KCNH8: variants seen among roughly 807,000 people sequenced by gnomAD.
The protein encoded by KCNH8 is potassium voltage-gated channel subfamily H member 8.
In KCNH8, 70 loss-of-function variants were observed where a neutral mutation model predicts 103.6. The ratio of observed to expected loss-of-function variants is 0.68; its 90% CI spans 0.56 to 0.82. The LOEUF is 0.82. Ranked by LOEUF, KCNH8 falls within the 40% of genes least tolerant of loss-of-function variation. The pLI, the probability that KCNH8 is intolerant of heterozygous loss-of-function variation, is 0.00. For missense variants in KCNH8, 1,217 were observed against 1,329.9 expected (o/e 0.92, Z 1.32); for synonymous variants, 498 against 489.4 (o/e 1.02, Z -0.23).
chr3:19,340,471 C>T lies in KCNH8; in HGVS notation c.443-2116C>T, dbSNP rs191413054. Among the ~76,000 whole-genome samples the T allele has an allele frequency of 2.7e-3, 405 of 151,578 alleles. 4 individuals carry two copies. The highest frequency in any genetic ancestry group is 9.3e-3 in the African/African-American group (386 of 41,352). On this transcript the variant is annotated intron_variant, in intron 3 of 15. Coordinates refer to ENST00000328405, the MANE Select transcript of KCNH8 (RefSeq NM_144633.3). ...TGCGCTGCACCCACTAACGTGTCAT[C>T]TAGCATTAGGATTCAATTTATTTAG... is the stretch of plus-strand genomic sequence containing the variant.
At chr3:19,217,663 TC>T (rs1423317384) in intron 1 of KCNH8, among the ~76,000 whole-genome samples, 1 of 152,198 alleles carries the variant, frequency 6.6e-6, no homozygotes. Flanking sequence ...GCTCAAAATC[TC>T]GTAGGTATTA....
At chr3:19,257,458 A>G (rs1296249341) in intron 2 of KCNH8, among the ~76,000 whole-genome samples, 1 of 151,710 alleles carries the variant, frequency 6.6e-6, no homozygotes, top group Non-Finnish European at 1.5e-5. Flanking sequence ...TTTCTTCCTC[A>G]CTCTAGCTTG....
In KCNH8 at chr3:19,461,705, T is replaced by G. The variant is rs551166772; in HGVS notation, c.2040+4723T>G. On this transcript the variant is annotated intron_variant, in intron 11 of 15. Transcript: ENST00000328405. Reference sequence around the variant, plus strand: ...ATTATACTTTAAGTTCTAGGGTACATGTGCACAACGTGCAGGTTTGTTACA... The same window carrying G: ...ATTATACTTTAAGTTCTAGGGTACAGGTGCACAACGTGCAGGTTTGTTACA... Among the ~76,000 whole-genome samples the G allele has an allele frequency of 9.2e-5, 14 of 152,336 alleles. No homozygotes were observed. The South Asian group carries it at 1.9e-3, about 20-fold the overall frequency.
At chr3:19,396,404 G>A (rs1168444044) in intron 7 of KCNH8, among the ~76,000 whole-genome samples, 1 of 152,010 alleles carries the variant, frequency 6.6e-6, no homozygotes, top group Non-Finnish European at 1.5e-5. Context: ...AGGAAAGCAG[G>A]TGGAAGGGAA....
chr3:19,225,076 C>A (rs1368703930), intron 1 of KCNH8, among the ~76,000 whole-genome samples: 1 of 152,040 alleles, frequency 6.6e-6, no homozygotes, highest in African/African-American at 2.4e-5. Flanking sequence ...AAAATTAGGA[C>A]AAAGGCTGTA....
chr3:19,269,164 G>A (rs1028592452), intron 2 of KCNH8, among the ~76,000 whole-genome samples: 4 of 152,018 alleles, frequency 2.6e-5, no homozygotes, highest in East Asian at 1.9e-4. Flanking sequence ...TATAAAAAAT[G>A]ACTTCAGATG....
At chr3:19,345,261 A>G (rs1162189633) in intron 4 of KCNH8, among the ~76,000 whole-genome samples, 1 of 151,954 alleles carries the variant, frequency 6.6e-6, no homozygotes, top group East Asian at 1.9e-4. Flanking sequence ...CTACAAATGC[A>G]TTTTTCTGGC....
At chr3:19,444,609 T>C (rs2067334963) in intron 8 of KCNH8, among the ~76,000 whole-genome samples, 1 of 151,684 alleles carries the variant, frequency 6.6e-6, no homozygotes, top group African/African-American at 2.4e-5. Flanking sequence ...GACAAAGGAC[T>C]CTCATCTACT....
At chr3:19,336,219 G>C (rs1347830446) in intron 3 of KCNH8, among the ~76,000 whole-genome samples, 1 of 151,556 alleles carries the variant, frequency 6.6e-6, no homozygotes, top group Non-Finnish European at 1.5e-5. Flanking sequence ...CATCCATTGA[G>C]TTTGGATATC....
At chr3:19,266,616 C>G (rs1323648019) in intron 2 of KCNH8, among the ~76,000 whole-genome samples, 3 of 152,046 alleles carry the variant, frequency 2.0e-5, no homozygotes, top group African/African-American at 7.2e-5. Flanking sequence ...ATCTTGTTAT[C>G]TACAGTGCCT....
chr3:19,258,258 C>G (rs1344186111), intron 2 of KCNH8, among the ~76,000 whole-genome samples: 1 of 151,962 alleles, frequency 6.6e-6, no homozygotes, highest in African/African-American at 2.4e-5. Flanking sequence ...AGATTACAAA[C>G]TAGTAAATAA....
intron 1 of KCNH8, among the ~76,000 whole-genome samples, chr3:19,186,203 G>C (rs1441543053): frequency 6.6e-6 from 1 of 151,206 alleles, no homozygotes; most frequent in Non-Finnish European, 1.5e-5. Context: ...TGATTGTCTA[G>C]GAGACATTGC....
chr3:19,321,978 G>GT (rs1193037939), intron 3 of KCNH8, among the ~76,000 whole-genome samples: 3 of 151,518 alleles, frequency 2.0e-5, no homozygotes, highest in African/African-American at 7.3e-5. Flanking sequence ...AAGTTTGTGG[G>GT]TTTTTTTGTC....
chr3:19,279,322 T>G (rs1201021055), intron 2 of KCNH8, among the ~76,000 whole-genome samples: 1 of 152,042 alleles, frequency 6.6e-6, no homozygotes, highest in Non-Finnish European at 1.5e-5. Context: ...AACACTTGAG[T>G]TGATTTATTG....
At chr3:19,149,397 T>C (rs2063106536) in intron 1 of KCNH8, among the ~76,000 whole-genome samples, 1 of 152,128 alleles carries the variant, frequency 6.6e-6, no homozygotes, top group Non-Finnish European at 1.5e-5. Flanking sequence ...GCAGAGGCTG[T>C]TCAGGAAGAA....
chr3:19,363,501 T>C (rs2065972546), intron 5 of KCNH8, among the ~76,000 whole-genome samples: 1 of 152,158 alleles, frequency 6.6e-6, no homozygotes, highest in Non-Finnish European at 1.5e-5. Context: ...TAACAACAGC[T>C]TCATAATTTT....
At chr3:19,452,771 A>T (rs777094277) in intron 10 of KCNH8, among the ~76,000 whole-genome samples, 5 of 152,196 alleles carry the variant, frequency 3.3e-5, no homozygotes, top group Non-Finnish European at 7.3e-5. Flanking sequence ...ACACAGAGAG[A>T]CAGATGGTGA....
chr3:19,389,949 G>A (rs971168941), intron 5 of KCNH8, among the ~76,000 whole-genome samples: 1 of 152,008 alleles, frequency 6.6e-6, no homozygotes, highest in African/African-American at 2.4e-5. Flanking sequence ...ATTAAAACTT[G>A]ACTCTGCCAC....
chr3:19,339,735 G>T (rs2065632792), intron 3 of KCNH8, among the ~76,000 whole-genome samples: 1 of 151,996 alleles, frequency 6.6e-6, no homozygotes, highest in Non-Finnish European at 1.5e-5. Flanking sequence ...GTAACATTCA[G>T]TTAGACTTTT....
Sources: allele counts gnomAD v4.1 joint callset (sites outside exome capture counted in the v4.1 genomes callset), GRCh38; gene constraint gnomAD v4.1.1; transcripts MANE v1.5; gene names NCBI Gene and HGNC (gene_info 2026-07-23, HGNC 2026-07-21).